CNBD1: variants seen among roughly 807,000 people sequenced by gnomAD.
CNBD1 encodes cyclic nucleotide binding domain containing 1.
Under a neutral mutation model 54.4 loss-of-function variants are expected in CNBD1, and 71 were observed. The ratio of observed to expected loss-of-function variants is 1.30; its 90% CI spans 1.08 to 1.59. The LOEUF is 1.59. CNBD1 is among the 40% of genes most tolerant of loss of function. CNBD1 has a pLI of 0.00. For missense variants in CNBD1, 659 were observed against 518.0 expected (o/e 1.27, Z -2.64); for synonymous variants, 182 against 170.7 (o/e 1.07, Z -0.51).
chr8:87,161,575 A>G (rs573976200), intron 4 of CNBD1, among the ~76,000 whole-genome samples: 18 of 152,152 alleles, frequency 1.2e-4, no homozygotes, highest in Admixed American at 4.6e-4. Flanking sequence ...TTAAGTACAC[A>G]TAAAATCAGT....
chr8:87,341,144 AT>A (rs1563560622), intron 8 of CNBD1, among the ~76,000 whole-genome samples: 2 of 151,950 alleles, frequency 1.3e-5, no homozygotes, highest in Non-Finnish European at 2.9e-5. Flanking sequence ...AATTCAAGAT[AT>A]TTTCTATTTT....
At chr8:87,209,711 G>A (rs1294622473) in intron 5 of CNBD1, among the ~76,000 whole-genome samples, 3 of 151,912 alleles carry the variant, frequency 2.0e-5, no homozygotes, top group Admixed American at 6.6e-5. Flanking sequence ...AACCCAAATG[G>A]CCAAAACAAT....
chr8:87,339,877 C>T (rs1810029988), intron 8 of CNBD1, among the ~76,000 whole-genome samples: 1 of 151,988 alleles, frequency 6.6e-6, no homozygotes. Flanking sequence ...AATTTTTATT[C>T]ATTTTGCTTT....
chr8:87,030,712 G>A (rs1285198845), intron 4 of CNBD1, among the ~76,000 whole-genome samples: 1 of 152,066 alleles, frequency 6.6e-6, no homozygotes, highest in Admixed American at 6.5e-5. Context: ...ATCTGAAGCA[G>A]GATGTGCAGT....
At chr8:87,148,462 GAACAGAGATTC>G (rs1168384234) in intron 4 of CNBD1, among the ~76,000 whole-genome samples, 1 of 152,130 alleles carries the variant, frequency 6.6e-6, no homozygotes, top group Non-Finnish European at 1.5e-5. Context: ...TTATTTTACA[GAACAGAGATTC>G]AAATGGGTTA....
chr8:87,022,003 G>A (rs930134055), intron 4 of CNBD1, among the ~76,000 whole-genome samples: 6 of 152,096 alleles, frequency 3.9e-5, no homozygotes, highest in Non-Finnish European at 7.4e-5. Context: ...ACAGATAGGC[G>A]AGGAATTTGT....
intron 10 of CNBD1, among the ~76,000 whole-genome samples, chr8:87,372,907 A>G (rs1410301302): frequency 6.6e-6 from 1 of 151,758 alleles, no homozygotes; most frequent in East Asian, 1.9e-4. Flanking sequence ...CTTTGCATAT[A>G]ACTGTGGTAG....
intron 8 of CNBD1, among the ~76,000 whole-genome samples, chr8:87,319,708 A>C (rs1809479044): frequency 6.6e-6 from 1 of 152,112 alleles, no homozygotes; most frequent in South Asian, 2.1e-4. Context: ...TTTCCTCTTT[A>C]ACATATATTG....
intron 4 of CNBD1, among the ~76,000 whole-genome samples, chr8:86,987,255 A>C (rs911688207): frequency 1.3e-5 from 2 of 151,566 alleles, no homozygotes; most frequent in Admixed American, 6.6e-5. Context: ...TAGGTATTTC[A>C]TTTTCTTTGT....
chr8:87,371,858 A>C (rs1164522791), intron 10 of CNBD1, among the ~76,000 whole-genome samples: 3 of 152,002 alleles, frequency 2.0e-5, no homozygotes. Flanking sequence ...AGAGCTATCT[A>C]TGACAAACCC....
rs1216091677 is a variant in CNBD1, at chr8:86,982,176, TA to T, written c.431+42423del. 6.6e-5 allele frequency among the ~76,000 whole-genome samples: 10 copies of T among 152,322 alleles called. No homozygotes were observed. In the East Asian group the frequency reaches 1.5e-3, roughly 24 times the overall value. On this transcript the variant is annotated intron_variant, in intron 4 of 10. Transcript: ENST00000518476. ...ATAATTAATGATGTTGAACATGTTTTATGGGCTTATTTGCCACTTATATGTC... is the reference window on the plus strand; with the variant it reads ...ATAATTAATGATGTTGAACATGTTTTTGGGCTTATTTGCCACTTATATGTC...
At chr8:87,181,260 A>G (rs962341715) in intron 4 of CNBD1, among the ~76,000 whole-genome samples, 3 of 152,212 alleles carry the variant, frequency 2.0e-5, no homozygotes, top group Non-Finnish European at 4.4e-5. Flanking sequence ...CTGCACATAT[A>G]TACAGTATGC....
intron 5 of CNBD1, among the ~76,000 whole-genome samples, chr8:87,219,683 G>A (rs977718491): frequency 4.6e-5 from 7 of 151,920 alleles, no homozygotes; most frequent in Admixed American, 2.0e-4. Flanking sequence ...ACTGAAATTC[G>A]TAATTAAATA....
At chr8:87,063,902 A>G (rs1488878614) in intron 4 of CNBD1, among the ~76,000 whole-genome samples, 1 of 151,906 alleles carries the variant, frequency 6.6e-6, no homozygotes, top group African/African-American at 2.4e-5. Flanking sequence ...TTTTTTATTT[A>G]CTTATTGCTA....
Position 87,121,927 on chromosome 8 carries a change from C to CAT in CNBD1, c.432-84053_432-84052dup, listed in dbSNP as rs146416648. On this transcript the variant is annotated intron_variant, in intron 4 of 10. Transcript: ENST00000518476. The stretch of plus-strand genomic sequence containing the variant: ...ACACATATGACATATAATTTATTGT[C>CAT]ATATATATATATATGACAGATACTT... Among the ~76,000 whole-genome samples the CAT allele has an allele frequency of 7.7e-3, 1,150 of 149,536 alleles. 9 individuals are homozygous for CAT. The highest frequency in any genetic ancestry group is 0.02 in the African/African-American group (832 of 40,904).
intron 4 of CNBD1, among the ~76,000 whole-genome samples, chr8:87,007,685 T>C (rs1429637972): frequency 1.3e-5 from 2 of 152,178 alleles, no homozygotes; most frequent in Non-Finnish European, 1.5e-5. Context: ...TAGAACACTT[T>C]TATTACAGAC....
At chr8:86,931,289 T>C (rs1809453370) in intron 3 of CNBD1, among the ~76,000 whole-genome samples, 1 of 152,124 alleles carries the variant, frequency 6.6e-6, no homozygotes, top group Admixed American at 6.5e-5. Flanking sequence ...GTGGTTAAAC[T>C]TACCTGGGGC....
chr8:87,098,733 T>TAA (rs112867940), intron 4 of CNBD1, among the ~76,000 whole-genome samples: 9 of 139,386 alleles, frequency 6.5e-5, no homozygotes, highest in South Asian at 2.4e-4. Context: ...AACATAGTAA[T>TAA]AAAAAAAAAA....
intron 7 of CNBD1, among the ~76,000 whole-genome samples, chr8:87,285,192 C>T (rs1032767243): frequency 6.6e-6 from 1 of 152,078 alleles, no homozygotes; most frequent in Non-Finnish European, 1.5e-5. Context: ...TGCTGCTTTC[C>T]CAGTCTCTGT....
Sources: allele counts gnomAD v4.1 joint callset (sites outside exome capture counted in the v4.1 genomes callset), GRCh38; gene constraint gnomAD v4.1.1; transcripts MANE v1.5; gene names NCBI Gene and HGNC (gene_info 2026-07-23, HGNC 2026-07-21).